Variants in FLYWCH1 observed in about 807,000 individuals in gnomAD.
FLYWCH1 encodes the protein FLYWCH-type zinc finger 1.
A neutral mutation model predicts 66.4 loss-of-function variants in FLYWCH1; 75 were observed. The observed-to-expected ratio is 1.13, with a 90% CI of 0.94 to 1.37. The LOEUF is 1.37. Ranked by LOEUF, FLYWCH1 falls within the 40% of genes most tolerant of loss-of-function variation. The probability of loss-of-function intolerance (pLI) is 0.00; values close to 1 mark genes in which losing one functional copy is unlikely to be tolerated. For synonymous variants in FLYWCH1, 595 were observed against 429.9 expected, an observed-to-expected ratio of 1.38 and a Z score of -4.75; for missense variants, 1,334 against 1,001.8, an observed-to-expected ratio of 1.33 and a Z score of -4.48.
chr16:2,921,014 T>A (rs180691692), intron 2 of FLYWCH1, among the ~76,000 whole-genome samples: 42 of 152,104 alleles, frequency 2.8e-4, no homozygotes, highest in Admixed American at 1.9e-3. Context: ...GTTAATTTTT[T>A]GTGTTTTTAG....
At position 2,914,252 on chromosome 16, in the gene FLYWCH1, T is replaced by C. The variant is rs2070091905; in HGVS notation, c.-111T>C. 6.6e-6 allele frequency: 1 copy of C among 152,304 alleles called. No individual in the cohort carries two copies. The highest frequency in any genetic ancestry group is 2.4e-5 in the African/African-American group (1 of 41,566). The allele number at this position is 152,304 out of a possible 1,614,324, so 9.4% of individuals were successfully genotyped here. ...GCAAGCCAGCGCCGTGACCCAGGTG[T>C]GGGGGATGATGGTGACGCTTCTCAC... On this transcript the variant is annotated 5_prime_UTR_variant, in exon 2 of 10. Transcript: ENST00000253928.
intron 2 of FLYWCH1, chr16:2,922,772 C>T: frequency 1.9e-6 from 1 of 519,294 alleles, no homozygotes; most frequent in East Asian, 5.4e-5. Context: ...GGGCCACAAC[C>T]ACCTCACAGA....
intron 7 of FLYWCH1, 37 bp from the exon 8 acceptor site, chr16:2,938,147 C>G: frequency 1.3e-6 from 2 of 1,598,200 alleles, no homozygotes; most frequent in East Asian, 4.5e-5. Context: ...CACCCAGGCC[C>G]CTGTGGCCCC....
At chr16:2,943,413 T>C (rs1357830704) in intron 9 of FLYWCH1, 1 of 151,420 alleles carries the variant, frequency 6.6e-6, no homozygotes, top group Non-Finnish European at 1.5e-5. Context: ...TCCCAGCCAC[T>C]AGTATGATGG....
chr16:2,944,077 C>A (rs537475986), intron 9 of FLYWCH1, among the ~76,000 whole-genome samples: 1 of 151,946 alleles, frequency 6.6e-6, no homozygotes, highest in African/African-American at 2.4e-5. Context: ...GCCCAGCGGA[C>A]GGAGAGAGAA....
chr16:2,933,940 CG>C lies in FLYWCH1; in HGVS notation c.1477del (p.Glu493ArgfsTer18). ...DLGGLEALRQ[R>X]EKRPNTAQRG... ...GGGAGGCCTGGAGGCCCTGAGGCAG[CG>C]GGAGAAACGCCCCAACACGGCGCAG... is the stretch of plus-strand genomic sequence containing the variant. On this transcript the variant is annotated frameshift_variant, in exon 6 of 10. Transcript: ENST00000253928. LOFTEE classifies it high-confidence loss of function. 2 of 1,562,610 alleles carry C rather than the reference CG, an allele frequency of 1.3e-6. No individual in the cohort carries two copies. Among genetic ancestry groups the C allele is most frequent in the Admixed American group, 1.9e-5 (1 of 52,270 alleles).
chr16:2,939,903 C>A (rs1231234007), intron 8 of FLYWCH1, 129 bp from the exon 9 acceptor site: 3 of 1,057,912 alleles, frequency 2.8e-6, no homozygotes, highest in Admixed American at 2.8e-5. Flanking sequence ...GAATTCCCAG[C>A]GTTGCTTCAC....
intron 8 of FLYWCH1, among the ~76,000 whole-genome samples, 151 bp downstream of exon 8, chr16:2,938,607 G>GTTTTTTTT (rs35169451): frequency 1.5e-4 from 20 of 129,178 alleles, no homozygotes; most frequent in Non-Finnish European, 2.0e-4. Context: ...ACCAGTCTTT[G>GTTTTTTTT]TTTTTTTTTT....
rs376050327 is a variant in FLYWCH1, at chr16:2,930,855, C to G, written c.771C>G (p.Pro257=). 1 of 1,600,574 alleles carries G rather than the reference C, an allele frequency of 6.2e-7. No individual in the cohort carries two copies. Among genetic ancestry groups the G allele is most frequent in the Non-Finnish European group, 8.5e-7 (1 of 1,177,326 alleles). The change falls in exon 4 of 10, where the codon CCC becomes CCG. Residue 257 remains proline, a synonymous_variant. Transcript: ENST00000253928. ...CCCTGTCACTGCTGAGCCTGCCGCC[C>G]AAGAAGCGCTCGATCCTGGGGCTGG... ...PRALSLLSLP[P]KKRSILGLGQ... is the part of the protein sequence containing the mutation.
intron 2 of FLYWCH1, among the ~76,000 whole-genome samples, chr16:2,919,390 C>T (rs962051791): frequency 2.0e-5 from 3 of 151,958 alleles, no homozygotes; most frequent in African/African-American, 4.8e-5. Context: ...CTCAGCCTCC[C>T]GAGTAGTTGG....
chr16:2,927,569 A>C (rs1175825148), intron 2 of FLYWCH1, among the ~76,000 whole-genome samples: 1 of 152,264 alleles, frequency 6.6e-6, no homozygotes, highest in Admixed American at 6.5e-5. Flanking sequence ...TAATGGCTCA[A>C]GCAATGACTG....
At chr16:2,946,838 A>C (rs2071506609) in intron 9 of FLYWCH1, among the ~76,000 whole-genome samples, 1 of 152,188 alleles carries the variant, frequency 6.6e-6, no homozygotes, top group Non-Finnish European at 1.5e-5. Context: ...CTATTTAAAA[A>C]GACAGCTAAC....
At chr16:2,942,113 T>C (rs9930148) in intron 9 of FLYWCH1, among the ~76,000 whole-genome samples, 90,683 of 151,554 alleles carry the variant, frequency 0.6, 27,868 homozygotes, top group African/African-American at 0.74. Flanking sequence ...TTTAGCTCTA[T>C]CTACAGATCA....
chr16:2,935,457 C>G (rs1331790778), intron 6 of FLYWCH1: 1 of 152,334 alleles, frequency 6.6e-6, no homozygotes, highest in African/African-American at 2.4e-5. Context: ...CCAGCTGTCC[C>G]TCGGGGTTCA....
intron 2 of FLYWCH1, among the ~76,000 whole-genome samples, chr16:2,921,541 T>A (rs529727655): frequency 9.2e-4 from 138 of 150,276 alleles, no homozygotes; most frequent in Middle Eastern, 3.4e-3. Flanking sequence ...ACCAAAATAT[T>A]TTTTTTTAAT....
chr16:2,932,677 T>A (rs2070809315), intron 4 of FLYWCH1, among the ~76,000 whole-genome samples: 1 of 152,148 alleles, frequency 6.6e-6, no homozygotes, highest in African/African-American at 2.4e-5. Context: ...TATTATACCT[T>A]GTGTGTTTTA....
chr16:2,936,456 C>A, intron 6 of FLYWCH1: 1 of 447,670 alleles, frequency 2.2e-6, no homozygotes. Context: ...CCTCCCGCCC[C>A]CCGCTGGCCT....
intron 2 of FLYWCH1, chr16:2,923,098 G>A (rs1454584242): frequency 2.4e-6 from 1 of 412,046 alleles, no homozygotes; most frequent in Non-Finnish European, 4.6e-6. Context: ...TTTTGTGTGT[G>A]TGGCTGTTGT....
chr16:2,934,470 A>G (rs994705194), intron 6 of FLYWCH1: 13 of 356,958 alleles, frequency 3.6e-5, no homozygotes, highest in African/African-American at 1.1e-4. Flanking sequence ...GGCTGTCTCC[A>G]TCTTTATCCA....
Sources: gnomAD v4.1 joint callset for allele counts (sites outside exome capture counted in the v4.1 genomes callset) on GRCh38, gnomAD v4.1.1 for gene constraint, MANE v1.5 for transcripts, NCBI Gene and HGNC (gene_info 2026-07-23, HGNC 2026-07-21) for gene names.